NUP98: variants seen among roughly 807,000 people sequenced by gnomAD.
The protein encoded by NUP98 is nuclear pore complex protein Nup98-Nup96.
Under a neutral mutation model 191.9 loss-of-function variants are expected in NUP98, and 26 were observed. The observed-to-expected ratio is 0.14, with a 90% confidence interval of 0.10 to 0.19. The LOEUF is 0.19. Ranked by LOEUF, NUP98 falls within the 10% of genes least tolerant of loss-of-function variation. The pLI, the probability that NUP98 is intolerant of heterozygous loss-of-function variation, is 1.00. For synonymous variants in NUP98, 808 were observed against 778.4 expected, an observed-to-expected ratio of 1.04 and a Z score of -0.63; for missense variants, 1,941 against 2,178.8, an observed-to-expected ratio of 0.89 and a Z score of 2.17.
chr11:3,770,378 T>G (rs559454881), intron 7 of NUP98, among the ~76,000 whole-genome samples: 1 of 151,886 alleles, frequency 6.6e-6, no homozygotes, highest in East Asian at 2.0e-4. Context: ...GTAGGGTGGC[T>G]GAGGTAGGAG....
chr11:3,693,044 A>C, intron 27 of NUP98, 188 bp downstream of exon 27: 3 of 566,058 alleles, frequency 5.3e-6, no homozygotes, highest in Admixed American at 3.2e-5. Flanking sequence ...GCAGGAAAAC[A>C]GCAGTGAGAA....
At chr11:3,686,264 T>C in intron 28 of NUP98, 70 bp from the exon 29 acceptor site, 1 of 1,364,100 alleles carries the variant, frequency 7.3e-7, no homozygotes, top group Non-Finnish European at 1.0e-6. Context: ...TCAACTGTTC[T>C]GCTTATGTCT....
chr11:3,742,357 A>C (rs905095996), intron 12 of NUP98, among the ~76,000 whole-genome samples: 1 of 152,204 alleles, frequency 6.6e-6, no homozygotes, highest in Non-Finnish European at 1.5e-5. Context: ...AGAAGACAGA[A>C]GACAGTAACA....
intron 9 of NUP98, among the ~76,000 whole-genome samples, chr11:3,761,986 A>C (rs1336341583): frequency 6.6e-6 from 1 of 152,124 alleles, no homozygotes; most frequent in African/African-American, 2.4e-5. Flanking sequence ...AAGTACTAGA[A>C]TGTCTTGAAG....
At chr11:3,719,370 G>A (rs1398079510) in intron 18 of NUP98, 42 bp downstream of exon 18, 10 of 1,538,574 alleles carry the variant, frequency 6.5e-6, no homozygotes, top group African/African-American at 2.8e-5. Flanking sequence ...AAAAAAAATT[G>A]TGATTTAGCT....
intron 24 of NUP98, 149 bp downstream of exon 24, chr11:3,700,461 G>C: frequency 1.9e-6 from 1 of 539,444 alleles, no homozygotes; most frequent in Non-Finnish European, 3.3e-6. Context: ...TCTTGCTTGG[G>C]AATCTGCTTA....
chr11:3,720,138 C>T (rs750196207), intron 17 of NUP98, among the ~76,000 whole-genome samples: 5 of 152,124 alleles, frequency 3.3e-5, no homozygotes, highest in Non-Finnish European at 5.9e-5. Flanking sequence ...TCTATAATGA[C>T]GCTATATAAA....
In NUP98 at chr11:3,706,594, C is replaced by T. The variant is rs1215786175; in HGVS notation, c.2776G>A (p.Val926Ile). ...ACCATGTCACTGTCCAGTTCCACAA[C>T]CCTCCCTAACTGCTCCACCTCTGGG... is the stretch of plus-strand genomic sequence containing the variant. Reference protein sequence around the residue: ...QSPEVEQLGRVVELDSDMVDI... With the variant: ...QSPEVEQLGRIVELDSDMVDI... The change falls in exon 21 of 33, where the codon GTT (valine) becomes ATT (isoleucine). Residue 926 changes from valine to isoleucine, a missense_variant. By Grantham distance (29) the Val-to-Ile change is conservative. Around this residue, in one of 6 missense-constraint regions of NUP98, gnomAD observed 1,030 missense variants for 1,115.8 expected, o/e 0.92. Transcript: ENST00000324932. 2.5e-6 allele frequency: 4 copies of T among 1,614,008 alleles called. No homozygotes were observed. Among genetic ancestry groups the T allele is most frequent in the East Asian group, 4.5e-5 (2 of 44,880 alleles).
intron 8 of NUP98, among the ~76,000 whole-genome samples, chr11:3,767,342 T>C (rs1020134561): frequency 3.3e-5 from 5 of 151,964 alleles, no homozygotes; most frequent in Non-Finnish European, 7.4e-5. Context: ...TTTTTATTTT[T>C]TTTGGGATGA....
intron 27 of NUP98, among the ~76,000 whole-genome samples, chr11:3,692,257 A>G (rs1285996353): frequency 6.6e-6 from 1 of 151,096 alleles, no homozygotes; most frequent in Non-Finnish European, 1.5e-5. Context: ...GGCTGCAGTG[A>G]GCTATAATTG....
intron 1 of NUP98, among the ~76,000 whole-genome samples, chr11:3,788,429 C>A (rs2082215445): frequency 6.6e-6 from 1 of 151,996 alleles, no homozygotes; most frequent in Non-Finnish European, 1.5e-5. Context: ...ATGGTGAAAC[C>A]CCCTGTCTCT....
chr11:3,755,690 C>T (rs915166813), intron 10 of NUP98, among the ~76,000 whole-genome samples: 5 of 152,114 alleles, frequency 3.3e-5, no homozygotes, highest in African/African-American at 9.7e-5. Context: ...GCAGGCCGGG[C>T]GCAGTGGCTC....
At chr11:3,782,344 G>A (rs956730904) in intron 1 of NUP98, among the ~76,000 whole-genome samples, 199 bp from the exon 2 acceptor site, 5 of 151,668 alleles carry the variant, frequency 3.3e-5, no homozygotes, top group Admixed American at 3.3e-4. Context: ...TGAACAGTAA[G>A]GTTAAACTTC....
Position 3,775,936 on chromosome 11 carries a change from G to A in NUP98, c.441C>T (p.Leu147=). The A allele has an allele frequency of 1.2e-6, 2 of 1,613,708 alleles. No homozygotes were observed. The highest frequency in any genetic ancestry group is 2.2e-5 in the South Asian group (2 of 91,072). ...CAGCTGTAAAACTACTTGGCCCAAAGAGGGAGCCAGATGTGCTGCCAAAAG... is the reference window on the plus strand; with the variant it reads ...CAGCTGTAAAACTACTTGGCCCAAAAAGGGAGCCAGATGTGCTGCCAAAAG... ...SNPFGSTSGS[L]FGPSSFTAAP... is the part of the protein sequence containing the mutation. Residue 147 remains leucine, a synonymous_variant, in exon 5 of 33, where the codon CTC becomes CTT. Coordinates refer to ENST00000324932, the MANE Select transcript of NUP98 (RefSeq NM_016320.5).
At chr11:3,703,332 C>T (rs1421011084) in intron 22 of NUP98, among the ~76,000 whole-genome samples, 2 of 151,708 alleles carry the variant, frequency 1.3e-5, no homozygotes, top group Non-Finnish European at 2.9e-5. Context: ...TTCTCTGCCT[C>T]AGCCTCCCGA....
At chr11:3,748,522 G>GA (rs1349566162) in intron 11 of NUP98, among the ~76,000 whole-genome samples, 1 of 151,990 alleles carries the variant, frequency 6.6e-6, no homozygotes, top group African/African-American at 2.4e-5. Flanking sequence ...GTCCATCTTG[G>GA]AAAAAAATAA....
intron 2 of NUP98, among the ~76,000 whole-genome samples, chr11:3,781,836 T>A (rs1194092799): frequency 6.6e-6 from 1 of 152,118 alleles, no homozygotes; most frequent in Non-Finnish European, 1.5e-5. Flanking sequence ...CTACTGACAA[T>A]CAGAAGAAGG....
In NUP98 at chr11:3,683,269, C is replaced by T. The variant is rs746626657; in HGVS notation, c.4849G>A (p.Ala1617Thr). Reference protein sequence around the residue: ...AHMESDKHLEALCLFKAEHWN... With the variant: ...AHMESDKHLETLCLFKAEHWN... ...TGCTCAGCCTTAAATAAGCAAAGGG[C>T]CTCTAAGTGCTTGTCAGATTCCATG... is the stretch of plus-strand genomic sequence containing the variant. Residue 1617 changes from alanine (A) to threonine (T), a missense_variant, in exon 30 of 33, where the codon GCC becomes ACC. Physicochemically the swap from Ala to Thr is moderately conservative, Grantham distance 58. This residue lies in a region of NUP98 where 1,030 missense variants were observed against 1,115.8 expected (regional missense o/e 0.92). Transcript: ENST00000324932. 3 of 1,613,996 alleles carry T rather than the reference C, an allele frequency of 1.9e-6. No homozygotes were observed. The highest frequency in any genetic ancestry group is 2.5e-6 in the Non-Finnish European group (3 of 1,180,018).
chr11:3,701,545 G>A (rs917305175), intron 23 of NUP98, among the ~76,000 whole-genome samples: 2 of 151,510 alleles, frequency 1.3e-5, no homozygotes, highest in Non-Finnish European at 2.9e-5. Flanking sequence ...CACCGTACCC[G>A]GCCCCTTGAT....
Sources: allele counts gnomAD v4.1 joint callset (sites outside exome capture counted in the v4.1 genomes callset), GRCh38; gene constraint gnomAD v4.1.1; regional missense constraint gnomAD v4.1.1; transcripts MANE v1.5; gene names NCBI Gene and HGNC (gene_info 2026-07-23, HGNC 2026-07-21).